Variants in GRID1 observed in about 807,000 individuals in gnomAD.
GRID1 encodes glutamate receptor ionotropic, delta-1.
A neutral mutation model predicts 98.0 loss-of-function variants in GRID1; 28 were observed. The observed-to-expected ratio is 0.29, with a 90% CI of 0.21 to 0.39. The LOEUF (loss-of-function observed/expected upper bound fraction) is 0.39, where lower values mean the gene tolerates loss of function less well. GRID1 is among the 10% of genes least tolerant of loss of function. GRID1 has a pLI of 1.00. For synonymous variants in GRID1, 553 were observed against 538.5 expected, an observed-to-expected ratio of 1.03 and a Z score of -0.37; for missense variants, 1,111 against 1,340.5, an observed-to-expected ratio of 0.83 and a Z score of 2.67.
intron 2 of GRID1, among the ~76,000 whole-genome samples, chr10:86,221,898 T>TCTCCTCCTCCTC (rs56750241): frequency 2.0e-5 from 3 of 149,908 alleles, no homozygotes; most frequent in East Asian, 4.0e-4. Context: ...TCCTCCTCCT[T>TCTCCTCCTCCTC]CTCCTCCTCC....
chr10:86,004,743 C>CAT, intron 4 of GRID1, among the ~76,000 whole-genome samples: 2 of 123,068 alleles, frequency 1.6e-5, no homozygotes, highest in South Asian at 6.1e-4. Context: ...CACACACTCA[C>CAT]ACACACACAC....
intron 2 of GRID1, among the ~76,000 whole-genome samples, chr10:86,284,056 G>A (rs1054828532): frequency 2.1e-5 from 3 of 141,504 alleles, no homozygotes; most frequent in Non-Finnish European, 3.0e-5. Context: ...ACACACACCT[G>A]CATATACATA....
intron 2 of GRID1, among the ~76,000 whole-genome samples, chr10:86,222,102 C>T (rs2814327): frequency 0.22 from 32,722 of 152,136 alleles, 3,644 homozygotes; most frequent in South Asian, 0.36. Context: ...GCACCTACCA[C>T]GCGGTGGTCC....
At chr10:85,886,671 G>C (rs1259017485) in intron 5 of GRID1, among the ~76,000 whole-genome samples, 1 of 152,204 alleles carries the variant, frequency 6.6e-6, no homozygotes, top group African/African-American at 2.4e-5. Flanking sequence ...AAGCCAGGTT[G>C]AGGGACAAAG....
chr10:85,957,884 C>G (rs1986508), intron 4 of GRID1, among the ~76,000 whole-genome samples: 4 of 152,132 alleles, frequency 2.6e-5, no homozygotes, highest in Admixed American at 1.3e-4. Context: ...GGAAAGGCAG[C>G]CTCTGCAAAC....
intron 4 of GRID1, among the ~76,000 whole-genome samples, chr10:86,080,052 G>A (rs1352435995): frequency 1.3e-5 from 2 of 152,088 alleles, no homozygotes; most frequent in African/African-American, 2.4e-5. Context: ...ACGGAGTAAG[G>A]GCCTGGCACG....
chr10:86,128,790 A>G (rs1265291759), intron 4 of GRID1, among the ~76,000 whole-genome samples: 1 of 152,082 alleles, frequency 6.6e-6, no homozygotes, highest in African/African-American at 2.4e-5. Flanking sequence ...TCATGCCCAT[A>G]TCTTTACATT....
chr10:86,148,903 A>C (rs1317821060), intron 3 of GRID1, among the ~76,000 whole-genome samples: 2 of 152,124 alleles, frequency 1.3e-5, no homozygotes, highest in Admixed American at 6.5e-5. Context: ...CACCTCTCTG[A>C]GCCTATTTCC....
chr10:85,647,017 G>C (rs1218499543), intron 13 of GRID1, 185 bp downstream of exon 13: 2 of 635,346 alleles, frequency 3.1e-6, no homozygotes, highest in African/African-American at 3.6e-5. Context: ...AAAGTTGGAA[G>C]GTCCATAAGA....
intron 4 of GRID1, among the ~76,000 whole-genome samples, chr10:86,096,876 C>T (rs906134297): frequency 3.3e-5 from 5 of 152,190 alleles, no homozygotes; most frequent in Non-Finnish European, 4.4e-5. Flanking sequence ...CCAGGATTCA[C>T]GGGTCCAGGA....
chr10:86,026,355 T>C (rs1843117199), intron 4 of GRID1, among the ~76,000 whole-genome samples: 1 of 152,220 alleles, frequency 6.6e-6, no homozygotes, highest in African/African-American at 2.4e-5. Context: ...TTTAACAGTT[T>C]GTTAATTTTC....
chr10:85,975,492 CAAAAT>C (rs1227110443), intron 4 of GRID1, among the ~76,000 whole-genome samples: 1 of 152,146 alleles, frequency 6.6e-6, no homozygotes, highest in African/African-American at 2.4e-5. Flanking sequence ...ATACGGGAAA[CAAAAT>C]AAAATAAAAA....
At chr10:85,941,331 A>G (rs1841995191) in intron 4 of GRID1, among the ~76,000 whole-genome samples, 1 of 152,224 alleles carries the variant, frequency 6.6e-6, no homozygotes, top group Admixed American at 6.5e-5. Context: ...CAGCATTAAA[A>G]GAAAAAAATA....
intron 4 of GRID1, among the ~76,000 whole-genome samples, chr10:86,128,929 A>G (rs6585995): frequency 0.42 from 64,485 of 152,080 alleles, 16,749 homozygotes; most frequent in African/African-American, 0.73. Context: ...TGTACTTAGA[A>G]GAACGTTGTG....
intron 4 of GRID1, among the ~76,000 whole-genome samples, chr10:86,014,745 A>C (rs1435878716): frequency 6.6e-6 from 1 of 152,206 alleles, no homozygotes; most frequent in Non-Finnish European, 1.5e-5. Context: ...AAAAGGAGCA[A>C]GTTTTCAGGC....
intron 8 of GRID1, among the ~76,000 whole-genome samples, chr10:85,792,285 T>C (rs1842487700): frequency 6.6e-6 from 1 of 152,180 alleles, no homozygotes; most frequent in African/African-American, 2.4e-5. Context: ...AAACAAGTTG[T>C]AGCTGTCAGC....
At chr10:86,058,908 C>A (rs1169705623) in intron 4 of GRID1, among the ~76,000 whole-genome samples, 1 of 152,182 alleles carries the variant, frequency 6.6e-6, no homozygotes, top group East Asian at 1.9e-4. Flanking sequence ...GCATGCTAAA[C>A]TGCAGCTGGA....
chr10:86,218,873 T>C (rs73347941), intron 2 of GRID1, among the ~76,000 whole-genome samples: 2,138 of 152,260 alleles, frequency 0.014, 54 homozygotes, highest in African/African-American at 0.049. Flanking sequence ...CCGCATGGAG[T>C]GGGACCCCCA....
intron 6 of GRID1, among the ~76,000 whole-genome samples, chr10:85,857,018 T>G (rs2031023696): frequency 6.6e-6 from 1 of 152,148 alleles, no homozygotes; most frequent in East Asian, 1.9e-4. Context: ...AGATCAGATC[T>G]GGGCCTCAGA....
Sources: gnomAD v4.1 joint callset for allele counts (sites outside exome capture counted in the v4.1 genomes callset) on GRCh38, gnomAD v4.1.1 for gene constraint, MANE v1.5 for transcripts, NCBI Gene and HGNC (gene_info 2026-07-23, HGNC 2026-07-21) for gene names.